Variants in SNUPN observed in about 807,000 individuals in gnomAD.
SNUPN encodes snurportin-1.
In SNUPN, 31 loss-of-function variants were observed where a neutral mutation model predicts 39.2. The observed-to-expected ratio is 0.79, with a 90% CI of 0.59 to 1.07. The LOEUF is 1.07. Ranked by LOEUF, SNUPN falls within the 50% of genes least tolerant of loss-of-function variation. SNUPN has a pLI of 0.00. For synonymous variants in SNUPN, 132 were observed against 159.0 expected (o/e 0.83, Z 1.28); for missense variants, 382 against 434.2 (o/e 0.88, Z 1.07).
Position 75,607,264 on chromosome 15 carries a change from G to A in SNUPN, c.552C>T (p.Tyr184=), listed in dbSNP as rs567685019. The part of the protein sequence containing the change: ...CIYNEVNQTY[Y]VLDVMCWRGH... The stretch of plus-strand genomic sequence containing the variant: ...CCCGCCAGCACATCACATCCAGAAC[G>A]TAGTAGGTCTGGTTTACCTCATTGT... The change falls in exon 6 of 9, where the codon TAC becomes TAT. Residue 184 remains tyrosine, a synonymous_variant. Coordinates refer to ENST00000308588, the MANE Select transcript of SNUPN (RefSeq NM_005701.4). 63 of 1,613,626 alleles carry A rather than the reference G, an allele frequency of 3.9e-5. No homozygotes were observed. Among genetic ancestry groups the A allele is most frequent in the East Asian group, 1.8e-4 (8 of 44,884 alleles).
intron 2 of SNUPN, 42 bp downstream of exon 2, chr15:75,620,852 C>G (rs1893050135): frequency 1.3e-6 from 2 of 1,587,058 alleles, no homozygotes; most frequent in Non-Finnish European, 1.7e-6. Context: ...GTTCATAGCT[C>G]CTAGCCCAGA....
chr15:75,612,565 T>C (rs1892813110), intron 3 of SNUPN, among the ~76,000 whole-genome samples: 1 of 152,096 alleles, frequency 6.6e-6, no homozygotes, highest in Admixed American at 6.6e-5. Flanking sequence ...CTCATCTATT[T>C]CTATAGCTTC....
chr15:75,617,184 T>C (rs768894389), intron 3 of SNUPN, among the ~76,000 whole-genome samples: 12 of 152,242 alleles, frequency 7.9e-5, no homozygotes, highest in Non-Finnish European at 1.2e-4. Flanking sequence ...CAAACCCCAC[T>C]ACCCACAGAT....
chr15:75,616,165 G>T (rs1190453268), intron 3 of SNUPN, among the ~76,000 whole-genome samples: 1 of 150,444 alleles, frequency 6.6e-6, no homozygotes, highest in Non-Finnish European at 1.5e-5. Context: ...TTTCTTTAGA[G>T]ATGGGGTCTC....
In SNUPN at chr15:75,607,679, T is replaced by C. The variant is rs536725044; in HGVS notation, c.503-366A>G. ...TTCCTATCATAGGCACTGTGTTATG[T>C]GGGGAATATTAACTATAAATATTCC... is the stretch of plus-strand genomic sequence containing the variant. On this transcript the variant is annotated intron_variant, in intron 5 of 8. Coordinates refer to ENST00000308588, the MANE Select transcript of SNUPN (RefSeq NM_005701.4). 1.8e-3 allele frequency among the ~76,000 whole-genome samples: 268 copies of C among 152,340 alleles called. 2 individuals are homozygous for C. The highest frequency in any genetic ancestry group is 0.01 in the Middle Eastern group (3 of 294).
intron 2 of SNUPN, 65 bp from the exon 3 acceptor site, chr15:75,617,617 C>CG: frequency 1.3e-6 from 2 of 1,517,174 alleles, no homozygotes; most frequent in South Asian, 1.3e-5. Flanking sequence ...GACAGGGTCT[C>CG]GCTCTGTTGC....
intron 5 of SNUPN, among the ~76,000 whole-genome samples, chr15:75,608,587 A>G (rs1595984030): frequency 1.3e-5 from 2 of 152,326 alleles, no homozygotes; most frequent in East Asian, 3.9e-4. Context: ...ATGAGAAAGG[A>G]GAAAAGGGAG....
At chr15:75,620,753 C>T (rs569475513) in intron 2 of SNUPN, 141 bp downstream of exon 2, 4 of 717,836 alleles carry the variant, frequency 5.6e-6, no homozygotes, top group African/African-American at 5.3e-5. Flanking sequence ...AGGATTTACC[C>T]CTCCCAACCT....
intron 4 of SNUPN, 79 bp downstream of exon 4, chr15:75,609,811 G>A (rs943295640): frequency 1.7e-5 from 22 of 1,273,654 alleles, no homozygotes; most frequent in Admixed American, 5.4e-5. Flanking sequence ...CTGTTGTGGC[G>A]TATGAGGAAA....
intron 8 of SNUPN, among the ~76,000 whole-genome samples, chr15:75,599,724 T>C (rs1445263911): frequency 1.3e-5 from 2 of 152,362 alleles, no homozygotes; most frequent in East Asian, 3.9e-4. Context: ...CCTTCTTAAT[T>C]GACTCCCAGA....
At chr15:75,619,658 G>A (rs572847816) in intron 2 of SNUPN, among the ~76,000 whole-genome samples, 1 of 152,116 alleles carries the variant, frequency 6.6e-6, no homozygotes, top group Admixed American at 6.6e-5. Context: ...TATTTGGAAG[G>A]ATACACCAGA....
rs554997409 is a variant in SNUPN, at chr15:75,610,043, G to A, written c.304-49C>T. On this transcript the variant is annotated intron_variant, in intron 3 of 8. Coordinates refer to ENST00000308588, the MANE Select transcript of SNUPN (RefSeq NM_005701.4). ...AAAGATCAGCAGGGGTGTGCTACTCGAAAGTCTGCAATGACAAGGCATTAA... is the reference window on the plus strand; with the variant it reads ...AAAGATCAGCAGGGGTGTGCTACTCAAAAGTCTGCAATGACAAGGCATTAA... 29 of 1,388,868 alleles carry A rather than the reference G, an allele frequency of 2.1e-5. No homozygotes were observed. The South Asian group carries it at 3.0e-4, about 15-fold the overall frequency. 86.0% of individuals were successfully genotyped at this position (1,388,868 alleles called of 1,614,324 possible).
chr15:75,621,583 A>G (rs1001585947), intron 1 of SNUPN, among the ~76,000 whole-genome samples: 1 of 152,136 alleles, frequency 6.6e-6, no homozygotes, highest in Non-Finnish European at 1.5e-5. Flanking sequence ...GTTCCTCTAC[A>G]GTTTCCTGAA....
chr15:75,605,010 A>G (rs2141364136), intron 7 of SNUPN, 140 bp downstream of exon 7: 1 of 609,396 alleles, frequency 1.6e-6, no homozygotes, highest in East Asian at 2.9e-5. Context: ...TGGAATTCAG[A>G]TCTACATGAT....
intron 6 of SNUPN, 40 bp from the exon 7 acceptor site, chr15:75,605,267 C>A: frequency 7.2e-7 from 1 of 1,393,044 alleles, no homozygotes; most frequent in Non-Finnish European, 1.0e-6. Context: ...AAATACTTTC[C>A]ATTTCAAACT....
intron 2 of SNUPN, 107 bp downstream of exon 2, chr15:75,620,787 A>G: frequency 2.0e-6 from 2 of 1,000,204 alleles, no homozygotes; most frequent in Non-Finnish European, 3.0e-6. Flanking sequence ...TCAGCCTACA[A>G]AGAGTCTACT....
At chr15:75,605,738 C>T (rs1242875082) in intron 6 of SNUPN, among the ~76,000 whole-genome samples, 1 of 152,162 alleles carries the variant, frequency 6.6e-6, no homozygotes, top group Non-Finnish European at 1.5e-5. Context: ...AAATATCCTT[C>T]AGCAGAATTA....
chr15:75,610,604 C>T (rs908766174), intron 3 of SNUPN, among the ~76,000 whole-genome samples: 1 of 152,008 alleles, frequency 6.6e-6, no homozygotes, highest in African/African-American at 2.4e-5. Flanking sequence ...GGTGATGAAC[C>T]CTCTTCCTTT....
intron 3 of SNUPN, among the ~76,000 whole-genome samples, chr15:75,613,627 A>G (rs1368971658): frequency 8.0e-6 from 1 of 125,146 alleles, no homozygotes; most frequent in Non-Finnish European, 1.6e-5. Flanking sequence ...TGGGCAAGAG[A>G]GGGAGACTCC....
Sources: gnomAD v4.1 joint callset for allele counts (sites outside exome capture counted in the v4.1 genomes callset) on GRCh38, gnomAD v4.1.1 for gene constraint, MANE v1.5 for transcripts, NCBI Gene and HGNC (gene_info 2026-07-23, HGNC 2026-07-21) for gene names.